NFATC1: variants seen among roughly 807,000 people sequenced by gnomAD.
NFATC1 encodes the protein nuclear factor of activated T-cells, cytoplasmic 1.
NFATC1 carries 22 observed loss-of-function variants against 76.0 expected under a neutral mutation model. The ratio of observed to expected loss-of-function variants is 0.29; its 90% CI spans 0.21 to 0.41. The LOEUF (loss-of-function observed/expected upper bound fraction) is 0.41. Among genes scored for constraint, NFATC1 ranks in the 10% least tolerant of loss-of-function variants. The pLI, the probability that NFATC1 is intolerant of heterozygous loss-of-function variation, is 1.00. For synonymous variants in NFATC1, 704 were observed against 613.1 expected (o/e 1.15, Z -2.19); for missense variants, 1,357 against 1,337.7 (o/e 1.01, Z -0.23).
chr18:79,516,463 T>C (rs2145195056), intron 9 of NFATC1, among the ~76,000 whole-genome samples: 1 of 152,346 alleles, frequency 6.6e-6, no homozygotes, highest in South Asian at 2.1e-4. Flanking sequence ...CTAGAGACGC[T>C]GCGACCCTGC....
chr18:79,503,748 G>A (rs192346247), intron 9 of NFATC1, among the ~76,000 whole-genome samples: 160 of 152,274 alleles, frequency 1.1e-3, no homozygotes, highest in African/African-American at 3.1e-3. Flanking sequence ...AGTCCCAGAC[G>A]GCATCTCCAA....
intron 9 of NFATC1, among the ~76,000 whole-genome samples, chr18:79,508,298 G>A (rs895485924): frequency 3.3e-5 from 5 of 152,116 alleles, no homozygotes; most frequent in Middle Eastern, 3.2e-3. Context: ...AGGGATGGAC[G>A]GACAGAGGGT....
At chr18:79,494,260 C>G (rs1470875162) in intron 9 of NFATC1, among the ~76,000 whole-genome samples, 2 of 148,452 alleles carry the variant, frequency 1.3e-5, no homozygotes, top group Admixed American at 6.7e-5. Flanking sequence ...CGGGCACACG[C>G]CCCCCATGAA....
At chr18:79,515,178 C>T (rs1366273876) in intron 9 of NFATC1, among the ~76,000 whole-genome samples, 1 of 151,926 alleles carries the variant, frequency 6.6e-6, no homozygotes, top group Non-Finnish European at 1.5e-5. Context: ...AACCCCATCT[C>T]TACTAAAAAT....
chr18:79,441,922 T>C (rs1465435920), intron 3 of NFATC1, among the ~76,000 whole-genome samples: 2 of 152,160 alleles, frequency 1.3e-5, no homozygotes, highest in Non-Finnish European at 2.9e-5. Context: ...GGCAGAATCT[T>C]CTTCAGCCAA....
intron 8 of NFATC1, among the ~76,000 whole-genome samples, chr18:79,481,520 C>T (rs968369032): frequency 1.3e-5 from 2 of 152,262 alleles, no homozygotes; most frequent in Admixed American, 6.5e-5. Flanking sequence ...GGCTCTGCCC[C>T]ATCTGTGAAC....
intron 9 of NFATC1, among the ~76,000 whole-genome samples, chr18:79,506,449 G>T (rs1307447837): frequency 6.6e-6 from 1 of 152,234 alleles, no homozygotes; most frequent in Non-Finnish European, 1.5e-5. Flanking sequence ...CTCCCCAGGG[G>T]TGTGGGTCCG....
chr18:79,488,863 T>A (rs991988570), intron 9 of NFATC1, among the ~76,000 whole-genome samples: 2 of 151,720 alleles, frequency 1.3e-5, no homozygotes, highest in Admixed American at 1.3e-4. Context: ...GGTAGTGCCC[T>A]GCAGGCCCAG....
intron 2 of NFATC1, among the ~76,000 whole-genome samples, chr18:79,429,005 G>C (rs2086491750): frequency 6.6e-6 from 1 of 152,214 alleles, no homozygotes; most frequent in Admixed American, 6.5e-5. Flanking sequence ...CGGATCACCT[G>C]AGGTCAGGAG....
At chr18:79,478,517 G>GGT (rs1333369451) in intron 8 of NFATC1, among the ~76,000 whole-genome samples, 1 of 152,218 alleles carries the variant, frequency 6.6e-6, no homozygotes, top group Non-Finnish European at 1.5e-5. Flanking sequence ...GGCTGCGGTG[G>GGT]GTGAAGCCCA....
At chr18:79,401,352 C>G (rs1208026120) in intron 1 of NFATC1, among the ~76,000 whole-genome samples, 1 of 150,258 alleles carries the variant, frequency 6.7e-6, no homozygotes, top group Non-Finnish European at 1.5e-5. Flanking sequence ...GTTCACTACT[C>G]TCTTTTAAAA....
At chr18:79,491,754 G>A (rs895265927) in intron 9 of NFATC1, among the ~76,000 whole-genome samples, 1 of 152,228 alleles carries the variant, frequency 6.6e-6, no homozygotes, top group African/African-American at 2.4e-5. Flanking sequence ...ACCAAGCAGT[G>A]GTGGATCGCA....
intron 2 of NFATC1, among the ~76,000 whole-genome samples, chr18:79,431,024 A>T (rs1241191097): frequency 1.3e-5 from 2 of 152,154 alleles, no homozygotes; most frequent in Admixed American, 1.3e-4. Flanking sequence ...CACGTGGGAA[A>T]CAGCTCTGAC....
At chr18:79,469,071 C>A (rs1341635592) in intron 8 of NFATC1, 1 of 155,168 alleles carries the variant, frequency 6.4e-6, no homozygotes, top group East Asian at 1.9e-4. Flanking sequence ...AAGGGCCTCA[C>A]GCTCTGGACC....
chr18:79,493,133 G>GA (rs1169372202), intron 9 of NFATC1, among the ~76,000 whole-genome samples: 2 of 152,116 alleles, frequency 1.3e-5, no homozygotes, highest in Non-Finnish European at 2.9e-5. Context: ...ATGTAGATTT[G>GA]AAAAAATGCC....
At chr18:79,482,723 G>A (rs1186254102) in intron 8 of NFATC1, among the ~76,000 whole-genome samples, 5 of 129,802 alleles carry the variant, frequency 3.9e-5, no homozygotes. Context: ...TAATTCCAGC[G>A]TGACCTGCTC....
At chr18:79,493,680 G>GGC (rs2089768880) in intron 9 of NFATC1, 1 of 152,184 alleles carries the variant, frequency 6.6e-6, no homozygotes, top group Non-Finnish European at 1.5e-5. Flanking sequence ...AACCTGGCCC[G>GGC]GCGCCCAGGT....
chr18:79,475,205 C>A (rs981630033), intron 8 of NFATC1, among the ~76,000 whole-genome samples: 1 of 147,970 alleles, frequency 6.8e-6, no homozygotes, highest in Non-Finnish European at 1.5e-5. Flanking sequence ...CTCACGCTCA[C>A]CGTCGACGTT....
chr18:79,420,609 T>A (rs2086051213), intron 2 of NFATC1, among the ~76,000 whole-genome samples: 1 of 150,346 alleles, frequency 6.7e-6, no homozygotes, highest in Non-Finnish European at 1.5e-5. Flanking sequence ...CCGGGAGACG[T>A]CGCTGCAGAG....
Sources: gnomAD v4.1 joint callset for allele counts (sites outside exome capture counted in the v4.1 genomes callset) on GRCh38, gnomAD v4.1.1 for gene constraint, MANE v1.5 for transcripts, NCBI Gene and HGNC (gene_info 2026-07-23, HGNC 2026-07-21) for gene names.